KCTD2: variants seen among roughly 807,000 people sequenced by gnomAD.
The protein encoded by KCTD2 is BTB/POZ domain-containing protein KCTD2.
In KCTD2, 18 loss-of-function variants were observed where a neutral mutation model predicts 27.9. The observed-to-expected ratio is 0.64, with a 90% confidence interval of 0.45 to 0.96. The LOEUF is 0.96. Among genes scored for constraint, KCTD2 ranks in the 40% least tolerant of loss-of-function variants. The probability of loss-of-function intolerance (pLI) is 0.00; values close to 1 mark genes in which losing one functional copy is unlikely to be tolerated. For synonymous variants in KCTD2, 175 were observed against 148.4 expected, an observed-to-expected ratio of 1.18 and a Z score of -1.30; for missense variants, 280 against 348.0, an observed-to-expected ratio of 0.80 and a Z score of 1.56.
Position 75,053,125 on chromosome 17 carries a change from TA to T in KCTD2, c.540+22del, listed in dbSNP as rs763987074. 1.3e-6 allele frequency: 2 copies of T among 1,586,108 alleles called. No individual in the cohort carries two copies. Reference sequence around the variant, plus strand: ...TCACAAGTAATGTATTTGGAACTGTTAAGGAGGGTTGTTTCAAGTGGGCTTC... The same window carrying T: ...TCACAAGTAATGTATTTGGAACTGTTAGGAGGGTTGTTTCAAGTGGGCTTC... On this transcript the variant is annotated intron_variant, in intron 3 of 5. Transcript: ENST00000322444.
chr17:75,049,599 T>C (rs1484926262), intron 2 of KCTD2, among the ~76,000 whole-genome samples: 3 of 152,200 alleles, frequency 2.0e-5, no homozygotes, highest in Admixed American at 6.5e-5. Flanking sequence ...ATCTCCAGAA[T>C]TGTCACGATC....
At chr17:75,056,959 T>C (rs888429315) in intron 3 of KCTD2, among the ~76,000 whole-genome samples, 8 of 143,040 alleles carry the variant, frequency 5.6e-5, no homozygotes, top group South Asian at 2.3e-4. Context: ...TTTCTTTTTT[T>C]TTTTTTTTTT....
chr17:75,050,998 G>A (rs1303684686), intron 2 of KCTD2, among the ~76,000 whole-genome samples: 5 of 148,936 alleles, frequency 3.4e-5, no homozygotes, highest in African/African-American at 1.3e-4. Flanking sequence ...TTTTGAGACG[G>A]AGTCTTGCTC....
At chr17:75,042,435 T>TA, upstream of KCTD2, 1 of 1,544,140 alleles carries the variant, frequency 6.5e-7, no homozygotes, top group East Asian at 2.2e-5. Context: ...TATGTTGTCA[T>TA]AAGGGCATCA....
chr17:75,059,446 C>G (rs763840671), intron 3 of KCTD2, 64 bp from the exon 4 acceptor site: 1 of 1,121,202 alleles, frequency 8.9e-7, no homozygotes, highest in Non-Finnish European at 1.3e-6. Flanking sequence ...GAAGAGCCTC[C>G]TTGGGGCAGC....
At chr17:75,040,216 G>T in intron 3 of KCTD2, 2 of 1,609,098 alleles carry the variant, frequency 1.2e-6, no homozygotes, top group African/African-American at 2.7e-5. Context: ...CAAACACAAG[G>T]ACAGTGAGTC....
At chr17:75,062,945 AGTGGAAAGCATCCCCC>A in intron 5 of KCTD2, 57 bp from the exon 6 acceptor site, 1 of 1,510,310 alleles carries the variant, frequency 6.6e-7, no homozygotes, top group Non-Finnish European at 9.2e-7. Flanking sequence ...CATCGGGTCC[AGTGGAAAGCATCCCCC>A]GACATCTCTG....
intron 3 of KCTD2, among the ~76,000 whole-genome samples, chr17:75,053,917 C>A (rs1448612774): frequency 1.3e-4 from 19 of 141,718 alleles, no homozygotes; most frequent in Non-Finnish European, 2.6e-4. Context: ...CCCAGGCTGG[C>A]CTCCCAAAGT....
chr17:75,050,178 C>CT (rs1416550932), intron 2 of KCTD2, among the ~76,000 whole-genome samples: 1 of 152,270 alleles, frequency 6.6e-6, no homozygotes, highest in African/African-American at 2.4e-5. Flanking sequence ...CACTATCCAG[C>CT]TTCAACAATT....
chr17:75,039,926 G>T, intron 3 of KCTD2: 2 of 722,304 alleles, frequency 2.8e-6, no homozygotes, highest in Non-Finnish European at 2.4e-6. Flanking sequence ...CTTTCACTCC[G>T]CATAATTATT....
At chr17:75,050,235 T>G (rs190162791) in intron 2 of KCTD2, among the ~76,000 whole-genome samples, 1 of 152,306 alleles carries the variant, frequency 6.6e-6, no homozygotes, top group Admixed American at 6.5e-5. Flanking sequence ...CTTTTTTAAT[T>G]TTTGTAAGTA....
chr17:75,062,467 C>T (rs910056861), intron 5 of KCTD2, among the ~76,000 whole-genome samples: 7 of 152,208 alleles, frequency 4.6e-5, no homozygotes, highest in Admixed American at 4.6e-4. Context: ...AAAGGGTAGA[C>T]TTTCTCCATC....
chr17:75,056,701 G>T (rs931819890), intron 3 of KCTD2, among the ~76,000 whole-genome samples: 2 of 152,108 alleles, frequency 1.3e-5, no homozygotes, highest in African/African-American at 4.8e-5. Flanking sequence ...TATACTTGTT[G>T]TATGTGGCTC....
At chr17:75,051,010 G>C (rs1052478459) in intron 2 of KCTD2, among the ~76,000 whole-genome samples, 1 of 142,430 alleles carries the variant, frequency 7.0e-6, no homozygotes, top group Non-Finnish European at 1.5e-5. Flanking sequence ...GTCTTGCTCT[G>C]TTGCCCAGGC....
chr17:75,042,395 GATC>G (rs2073170380), upstream of KCTD2: 1 of 1,499,002 alleles, frequency 6.7e-7, no homozygotes, highest in Non-Finnish European at 9.1e-7. Flanking sequence ...CCTCTCCTAA[GATC>G]ATCATGAAAA....
At chr17:75,037,977 A>G (rs1049078715) in intron 3 of KCTD2, among the ~76,000 whole-genome samples, 3 of 151,940 alleles carry the variant, frequency 2.0e-5, no homozygotes, top group Non-Finnish European at 4.4e-5. Flanking sequence ...TGAACCCATG[A>G]GGTAAAGGTT....
intron 3 of KCTD2, among the ~76,000 whole-genome samples, chr17:75,038,634 T>C (rs1199008566): frequency 6.6e-6 from 1 of 152,176 alleles, no homozygotes; most frequent in Non-Finnish European, 1.5e-5. Flanking sequence ...ATAACAATTC[T>C]TTACTACATC....
At chr17:75,058,441 T>C (rs1034983350) in intron 3 of KCTD2, among the ~76,000 whole-genome samples, 1 of 145,140 alleles carries the variant, frequency 6.9e-6, no homozygotes, top group Non-Finnish European at 1.5e-5. Context: ...GAGGTGGAGG[T>C]TGCAGTGAGC....
chr17:75,044,063 C>T (rs2073187577), upstream of KCTD2, among the ~76,000 whole-genome samples: 1 of 147,940 alleles, frequency 6.8e-6, no homozygotes, highest in Non-Finnish European at 1.5e-5. Flanking sequence ...TTCACTCTGT[C>T]CCCCGGGCTG....
Sources: gnomAD v4.1 joint callset for allele counts (sites outside exome capture counted in the v4.1 genomes callset) on GRCh38, gnomAD v4.1.1 for gene constraint, MANE v1.5 for transcripts, NCBI Gene and HGNC (gene_info 2026-07-23, HGNC 2026-07-21) for gene names.